The following ELOVL2 variants were observed in gnomAD, a reference collection of about 807,000 sequenced individuals.
ELOVL2 encodes the protein ELOVL fatty acid elongase 2.
ELOVL2 carries 38 observed loss-of-function variants against 37.7 expected under a neutral mutation model. That is an observed-to-expected ratio of 1.01 (90% confidence interval 0.78 to 1.32). The LOEUF is 1.32. Ranked by LOEUF, ELOVL2 falls within the 40% of genes most tolerant of loss-of-function variation. ELOVL2 has a pLI of 0.00. For synonymous variants in ELOVL2, 115 were observed against 122.3 expected, an observed-to-expected ratio of 0.94 and a Z score of 0.40; for missense variants, 352 against 363.6, an observed-to-expected ratio of 0.97 and a Z score of 0.26.
At chr6:11,032,889 TCTAA>T (rs1165436808) in intron 1 of ELOVL2, among the ~76,000 whole-genome samples, 2 of 152,214 alleles carry the variant, frequency 1.3e-5, no homozygotes, top group African/African-American at 2.4e-5. Flanking sequence ...CATATGGTAT[TCTAA>T]CTTACTATCA....
intron 1 of ELOVL2, among the ~76,000 whole-genome samples, chr6:11,029,911 C>A (rs1056644641): frequency 6.6e-6 from 1 of 152,130 alleles, no homozygotes; most frequent in African/African-American, 2.4e-5. Flanking sequence ...CTCCTTATTC[C>A]TTTATGCTCA....
intron 1 of ELOVL2, among the ~76,000 whole-genome samples, chr6:11,011,290 C>T (rs1440129594): frequency 1.3e-5 from 2 of 151,402 alleles, no homozygotes; most frequent in Admixed American, 6.6e-5. Context: ...GGCGTGAACC[C>T]GAGAGGCAGA....
In ELOVL2 at chr6:10,983,744, G is replaced by T. The variant is rs1472206569; in HGVS notation, c.*37C>A. The T allele has an allele frequency of 6.4e-7, 1 of 1,560,558 alleles. No individual in the cohort carries two copies. The highest frequency in any genetic ancestry group is 8.7e-7 in the Non-Finnish European group (1 of 1,155,436). Reference sequence around the variant, plus strand: ...TCTTTGCTTTAAAACAAGCCAATCTGTTAGGCTAGTATATGTGCTTTTTCT... The same window carrying T: ...TCTTTGCTTTAAAACAAGCCAATCTTTTAGGCTAGTATATGTGCTTTTTCT... On this transcript the variant is annotated 3_prime_UTR_variant, in exon 8 of 8. Coordinates refer to ENST00000354666, the MANE Select transcript of ELOVL2 (RefSeq NM_017770.4).
intron 5 of ELOVL2, among the ~76,000 whole-genome samples, chr6:10,992,713 C>CG (rs58974091): frequency 1 from 149,499 of 149,596 alleles, 74,701 homozygotes; most frequent in Middle Eastern, 1. Context: ...CACTTGAACC[C>CG]GGAGGCAGAG....
intron 5 of ELOVL2, among the ~76,000 whole-genome samples, chr6:10,992,389 T>C (rs568575230): frequency 1.3e-5 from 2 of 151,800 alleles, no homozygotes; most frequent in East Asian, 3.9e-4. Context: ...CAGTATCAAA[T>C]AGAGAGTACT....
At chr6:11,031,762 C>G (rs1317808116) in intron 1 of ELOVL2, among the ~76,000 whole-genome samples, 1 of 152,154 alleles carries the variant, frequency 6.6e-6, no homozygotes, top group African/African-American at 2.4e-5. Flanking sequence ...GCCATAACCT[C>G]TATTTTCTAA....
chr6:11,006,711 T>C (rs1782489482), intron 2 of ELOVL2, among the ~76,000 whole-genome samples: 1 of 152,192 alleles, frequency 6.6e-6, no homozygotes, highest in Non-Finnish European at 1.5e-5. Context: ...ATATCTCCCA[T>C]TGGTGATAGA....
intron 1 of ELOVL2, among the ~76,000 whole-genome samples, chr6:11,032,238 T>C (rs1333470183): frequency 1.3e-5 from 2 of 151,508 alleles, no homozygotes; most frequent in Non-Finnish European, 2.9e-5. Flanking sequence ...TTCAAGGCCA[T>C]AAGTTGTTCC....
At chr6:11,007,005 T>A (rs867423447) in intron 2 of ELOVL2, among the ~76,000 whole-genome samples, 2 of 152,248 alleles carry the variant, frequency 1.3e-5, no homozygotes, top group African/African-American at 4.8e-5. Flanking sequence ...ATGATACTGT[T>A]ACTATAACAT....
At chr6:10,988,450 G>A (rs1385389101) in intron 7 of ELOVL2, among the ~76,000 whole-genome samples, 1 of 152,182 alleles carries the variant, frequency 6.6e-6, no homozygotes, top group Non-Finnish European at 1.5e-5. Flanking sequence ...TGTAATCCCA[G>A]CTACTTGGGA....
At chr6:11,013,868 CAAA>C (rs57378623) in intron 1 of ELOVL2, among the ~76,000 whole-genome samples, 4 of 136,764 alleles carry the variant, frequency 2.9e-5, no homozygotes, top group African/African-American at 2.7e-5. Flanking sequence ...CTCCACAAAG[CAAA>C]AAAAAAAAAA....
chr6:11,000,011 A>G, intron 4 of ELOVL2, 76 bp downstream of exon 4: 4 of 1,303,306 alleles, frequency 3.1e-6, no homozygotes, highest in Non-Finnish European at 4.5e-6. Context: ...TCAGCCCTCT[A>G]TCTGGAAGGA....
At chr6:11,030,661 T>C (rs1027311682) in intron 1 of ELOVL2, among the ~76,000 whole-genome samples, 1 of 151,798 alleles carries the variant, frequency 6.6e-6, no homozygotes, top group African/African-American at 2.4e-5. Context: ...CCGGCTAATT[T>C]TTTTGTATTT....
chr6:10,994,478 A>AAAAAAG (rs1561714776), intron 5 of ELOVL2, among the ~76,000 whole-genome samples: 1 of 61,638 alleles, frequency 1.6e-5, no homozygotes, highest in Non-Finnish European at 2.9e-5. Flanking sequence ...CAAAAAAAAA[A>AAAAAAG]AAAAAGAACA....
At chr6:11,001,079 C>A (rs1012000753) in intron 3 of ELOVL2, among the ~76,000 whole-genome samples, 1 of 152,300 alleles carries the variant, frequency 6.6e-6, no homozygotes, top group East Asian at 1.9e-4. Flanking sequence ...ATATTTTCTG[C>A]TGCCTTAGAG....
At chr6:11,020,014 G>A (rs1425277034) in intron 1 of ELOVL2, among the ~76,000 whole-genome samples, 1 of 152,178 alleles carries the variant, frequency 6.6e-6, no homozygotes, top group East Asian at 1.9e-4. Context: ...AAAGTGCTGG[G>A]ATTACAGGCG....
chr6:10,999,462 G>A (rs964542987), intron 4 of ELOVL2, among the ~76,000 whole-genome samples: 44 of 149,998 alleles, frequency 2.9e-4, no homozygotes, highest in African/African-American at 1.1e-3. Flanking sequence ...CACAACCTCC[G>A]CCTCCCGGGT....
At chr6:10,998,526 T>C (rs1315410595) in intron 4 of ELOVL2, among the ~76,000 whole-genome samples, 2 of 152,212 alleles carry the variant, frequency 1.3e-5, no homozygotes, top group East Asian at 3.8e-4. Context: ...CATTTTAAAC[T>C]CACAGTTTTT....
intron 6 of ELOVL2, 149 bp from the exon 7 acceptor site, chr6:10,989,986 C>A (rs1057070486): frequency 1.1e-5 from 10 of 901,430 alleles, no homozygotes; most frequent in African/African-American, 5.1e-5. Flanking sequence ...GCCCCCTCAT[C>A]CAGAAATCTT....
Sources: allele counts gnomAD v4.1 joint callset (sites outside exome capture counted in the v4.1 genomes callset), GRCh38; gene constraint gnomAD v4.1.1; transcripts MANE v1.5; gene names NCBI Gene and HGNC (gene_info 2026-07-23, HGNC 2026-07-21).